TJP1: variants seen among roughly 807,000 people sequenced by gnomAD.
The protein encoded by TJP1 is tight junction protein ZO-1.
In TJP1, 43 loss-of-function variants were observed where a neutral mutation model predicts 194.2. The ratio of observed to expected loss-of-function variants is 0.22; its 90% CI spans 0.17 to 0.29. The LOEUF is 0.29. Among genes scored for constraint, TJP1 ranks in the 10% least tolerant of loss-of-function variants. The pLI is 1.00. For synonymous variants in TJP1, 801 were observed against 779.0 expected (o/e 1.03, Z -0.47); for missense variants, 1,971 against 2,185.7 (o/e 0.90, Z 1.96).
Position 29,800,643 on chromosome 15 carries a change from T to C in TJP1, c.84+3A>G. ...CAGATTACTTACTGCAACACAAACT[T>C]ACCCTGTGAAGCGTCACTGTATGTT... On this transcript the variant is annotated splice_donor_region_variant and intron_variant, in intron 2 of 27. Transcript: ENST00000614355. 6.2e-7 allele frequency: 1 copy of C among 1,613,860 alleles called. No individual in the cohort carries two copies. The highest frequency in any genetic ancestry group is 8.5e-7 in the Non-Finnish European group (1 of 1,179,888).
At chr15:29,945,200 A>G (rs2055230870) in intron 2 of TJP1, among the ~76,000 whole-genome samples, 1 of 152,208 alleles carries the variant, frequency 6.6e-6, no homozygotes, top group South Asian at 2.1e-4. Context: ...CCAAGACCAA[A>G]AGGTCTAGGC....
At chr15:29,770,998 C>T (rs2046633549) in intron 4 of TJP1, among the ~76,000 whole-genome samples, 1 of 152,164 alleles carries the variant, frequency 6.6e-6, no homozygotes, top group African/African-American at 2.4e-5. Flanking sequence ...CGCTGACTCA[C>T]TCAGAGCAAC....
chr15:29,821,949 GCGGGCGGCGA>G (rs1454847143), intron 1 of TJP1, 43 bp downstream of exon 1: 1 of 1,212,858 alleles, frequency 8.2e-7, no homozygotes, highest in Admixed American at 4.4e-5. Flanking sequence ...ATGCCGGTGG[GCGGGCGGCGA>G]CGGTCGGCCC....
At chr15:29,960,595 C>T in intron 1 of TJP1, among the ~76,000 whole-genome samples, 1 of 149,978 alleles carries the variant, frequency 6.7e-6, no homozygotes, top group East Asian at 2.0e-4. Context: ...GTGATCATAC[C>T]ACTGCACTCC....
intron 2 of TJP1, among the ~76,000 whole-genome samples, chr15:29,901,152 C>T (rs577397508): frequency 1.9e-4 from 29 of 152,244 alleles, no homozygotes; most frequent in African/African-American, 6.0e-4. Context: ...AGGGCATTGA[C>T]GGAACGCTTA....
intron 22 of TJP1, among the ~76,000 whole-genome samples, chr15:29,717,604 T>G (rs1371962229): frequency 6.6e-6 from 1 of 152,196 alleles, no homozygotes; most frequent in Non-Finnish European, 1.5e-5. Flanking sequence ...GCTGATGTGC[T>G]TAGCACAAGG....
At chr15:29,777,531 G>A (rs558914685) in intron 2 of TJP1, among the ~76,000 whole-genome samples, 2 of 152,086 alleles carry the variant, frequency 1.3e-5, no homozygotes, top group South Asian at 4.2e-4. Context: ...AAAGATATAT[G>A]AGATGTTAAA....
Position 29,774,765 on chromosome 15 carries a change from G to A in TJP1, c.85-1408C>T, listed in dbSNP as rs45567633. On this transcript the variant is annotated intron_variant, in intron 2 of 27. Coordinates refer to ENST00000614355, the MANE Select transcript of TJP1 (RefSeq NM_001330239.4). ...CATGTGAATTATATGGCAATAAAGC[G>A]AACACAAAAAAGTTAATATGAAAAA... Among the ~76,000 whole-genome samples, 12 of 151,780 alleles carry A rather than the reference G, an allele frequency of 7.9e-5. No homozygotes were observed. The East Asian group carries it at 1.5e-3, about 20-fold the overall frequency.
intron 2 of TJP1, among the ~76,000 whole-genome samples, chr15:29,953,139 G>GCTTTTTTTTTTTT (rs1406936700): frequency 1.5e-5 from 1 of 64,734 alleles, no homozygotes; most frequent in Non-Finnish European, 3.3e-5. Flanking sequence ...AAAGAAGACA[G>GCTTTTTTTTTTTT]ATTTTTTTTT....
intron 2 of TJP1, among the ~76,000 whole-genome samples, chr15:29,858,817 G>C (rs191867020): frequency 3.6e-4 from 55 of 152,192 alleles, no homozygotes; most frequent in African/African-American, 1.3e-3. Context: ...AAGTAGCTGG[G>C]ACTACAGGCC....
chr15:29,710,326 A>G (rs1259456262), intron 24 of TJP1, among the ~76,000 whole-genome samples: 1 of 152,188 alleles, frequency 6.6e-6, no homozygotes, highest in Non-Finnish European at 1.5e-5. Context: ...TAAGGGAATA[A>G]TAAGAGAAGT....
In TJP1 at chr15:29,718,668, T is replaced by C. The variant is rs1458817986; in HGVS notation, c.3474A>G (p.Glu1158=). ...QAPRASALRH[E]EQPAPGYDTH... is the part of the protein sequence containing the mutation. ...TGTCATACCCAGGAGCTGGCTGCTC[T>C]TCGTGCCGCAGGGCGGATGCTCTAG... Residue 1158 remains glutamate, a synonymous_variant, in exon 21 of 28, where the codon GAA becomes GAG. Coordinates refer to ENST00000614355, the MANE Select transcript of TJP1 (RefSeq NM_001330239.4). The C allele has an allele frequency of 6.2e-7, 1 of 1,614,066 alleles. No homozygotes were observed. The highest frequency in any genetic ancestry group is 1.3e-5 in the African/African-American group (1 of 74,930).
intron 2 of TJP1, among the ~76,000 whole-genome samples, chr15:29,934,103 C>T (rs1234619919): frequency 6.6e-6 from 1 of 152,218 alleles, no homozygotes; most frequent in Non-Finnish European, 1.5e-5. Flanking sequence ...TTGGGTGAAG[C>T]TTCAAAACAA....
Position 29,734,463 on chromosome 15 carries a change from T to C in TJP1, c.1408-81A>G, listed in dbSNP as rs1595687653. On this transcript the variant is annotated intron_variant, in intron 11 of 27. Transcript: ENST00000614355. ...ATACGCAGGACACAGATACTCTCAG[T>C]CTACCTAATTTGAAAATATCACATC... The C allele has an allele frequency of 1.4e-5, 14 of 1,009,720 alleles. No individual in the cohort carries two copies. In the East Asian group the frequency reaches 3.6e-4, roughly 26 times the overall value. 62.5% of individuals were successfully genotyped at this position (1,009,720 alleles called of 1,614,324 possible).
chr15:29,818,556 G>GT (rs2151990463), intron 1 of TJP1, among the ~76,000 whole-genome samples: 1 of 152,310 alleles, frequency 6.6e-6, no homozygotes, highest in Admixed American at 6.5e-5. Flanking sequence ...CCAGGATGGA[G>GT]TGCAGTGGTG....
intron 1 of TJP1, chr15:29,820,385 A>T: frequency 1.7e-6 from 1 of 598,118 alleles, no homozygotes; most frequent in Non-Finnish European, 3.0e-6. Context: ...ACAGCATCTT[A>T]AAAAAAAGCT....
At chr15:29,734,923 C>T (rs2043928168) in intron 11 of TJP1, among the ~76,000 whole-genome samples, 1 of 151,896 alleles carries the variant, frequency 6.6e-6, no homozygotes, top group South Asian at 2.1e-4. Context: ...TGTGTCCTGA[C>T]ATTAAAGATC....
chr15:29,756,058 C>A (rs1374677574), intron 8 of TJP1, among the ~76,000 whole-genome samples: 1 of 151,884 alleles, frequency 6.6e-6, no homozygotes, highest in Non-Finnish European at 1.5e-5. Context: ...ACAATCTAAC[C>A]AAGCAGAGGC....
intron 1 of TJP1, among the ~76,000 whole-genome samples, chr15:29,820,838 A>C (rs2050280783): frequency 6.6e-6 from 1 of 152,230 alleles, no homozygotes; most frequent in Non-Finnish European, 1.5e-5. Context: ...TAAACGAAGA[A>C]TACTATATCC....
Sources: allele counts gnomAD v4.1 joint callset (sites outside exome capture counted in the v4.1 genomes callset), GRCh38; gene constraint gnomAD v4.1.1; transcripts MANE v1.5; gene names NCBI Gene and HGNC (gene_info 2026-07-23, HGNC 2026-07-21).